Variants in SYN3 observed in about 807,000 individuals in gnomAD.
SYN3 encodes synapsin-3.
SYN3 carries 35 observed loss-of-function variants against 65.8 expected under a neutral mutation model. The observed-to-expected ratio is 0.53, with a 90% CI of 0.41 to 0.70. The LOEUF is 0.70. Among genes scored for constraint, SYN3 ranks in the 30% least tolerant of loss-of-function variants. The pLI, the probability that SYN3 is intolerant of heterozygous loss-of-function variation, is 0.00. For missense variants in SYN3, 680 were observed against 749.0 expected, an observed-to-expected ratio of 0.91 and a Z score of 1.08; for synonymous variants, 270 against 292.9, an observed-to-expected ratio of 0.92 and a Z score of 0.80.
chr22:32,884,898 C>A (rs1230937222), intron 4 of SYN3, among the ~76,000 whole-genome samples: 4 of 152,042 alleles, frequency 2.6e-5, no homozygotes, highest in African/African-American at 9.7e-5. Flanking sequence ...AAAAGAAAAT[C>A]ATTTCATATC....
chr22:32,620,539 G>A (rs915299150), intron 6 of SYN3, among the ~76,000 whole-genome samples: 1 of 152,056 alleles, frequency 6.6e-6, no homozygotes, highest in Non-Finnish European at 1.5e-5. Context: ...TGGGGACTGG[G>A]GCAAAATAAG....
intron 9 of SYN3, 84 bp downstream of exon 9, chr22:32,537,952 C>T (rs1569016963): frequency 8.1e-7 from 1 of 1,232,122 alleles, no homozygotes; most frequent in Non-Finnish European, 1.2e-6. Context: ...GCGGAGTGGC[C>T]TTCTCTTCAG....
intron 6 of SYN3, among the ~76,000 whole-genome samples, chr22:32,791,744 G>A (rs919556481): frequency 6.6e-6 from 1 of 151,786 alleles, no homozygotes; most frequent in African/African-American, 2.4e-5. Flanking sequence ...ATGTGAAAAG[G>A]GATGGCAACG....
chr22:32,935,938 A>C (rs1025879041), intron 3 of SYN3, among the ~76,000 whole-genome samples: 24 of 152,324 alleles, frequency 1.6e-4, no homozygotes, highest in Admixed American at 1.4e-3. Flanking sequence ...TCTATCTTTA[A>C]ATGTTTTTGT....
chr22:32,996,055 T>C (rs768644821), intron 2 of SYN3, among the ~76,000 whole-genome samples: 6 of 152,170 alleles, frequency 3.9e-5, no homozygotes, highest in Non-Finnish European at 8.8e-5. Flanking sequence ...GTACTCTCCC[T>C]GAATTCCAGG....
At chr22:33,055,835 C>T (rs1005009074) in intron 1 of SYN3, among the ~76,000 whole-genome samples, 2 of 152,172 alleles carry the variant, frequency 1.3e-5, no homozygotes, top group African/African-American at 4.8e-5. Context: ...TGTCTATCTC[C>T]TCTAATAGAC....
chr22:32,559,938 A>G (rs1320688055), intron 7 of SYN3, among the ~76,000 whole-genome samples: 1 of 152,206 alleles, frequency 6.6e-6, no homozygotes, highest in East Asian at 1.9e-4. Flanking sequence ...GTGCACTAAG[A>G]GGCAAAATGG....
At chr22:32,680,643 C>T (rs1157009084) in intron 6 of SYN3, among the ~76,000 whole-genome samples, 1 of 152,216 alleles carries the variant, frequency 6.6e-6, no homozygotes, top group Non-Finnish European at 1.5e-5. Context: ...GTGTACTCAA[C>T]TTGCTAGTAG....
At chr22:32,873,972 CA>C (rs907231072) in intron 4 of SYN3, among the ~76,000 whole-genome samples, 136 of 139,222 alleles carry the variant, frequency 9.8e-4, no homozygotes, top group Admixed American at 1.1e-3. Context: ...ACAAAAAATA[CA>C]AAAAAAAAAA....
intron 6 of SYN3, among the ~76,000 whole-genome samples, chr22:32,711,957 ACCTG>A (rs1169241522): frequency 6.6e-6 from 1 of 152,124 alleles, no homozygotes; most frequent in African/African-American, 2.4e-5. Flanking sequence ...CAGTTTGACA[ACCTG>A]CCTCAGCTTT....
At chr22:32,906,897 C>T (rs1451371595) in intron 4 of SYN3, among the ~76,000 whole-genome samples, 2 of 152,120 alleles carry the variant, frequency 1.3e-5, no homozygotes, top group Non-Finnish European at 2.9e-5. Flanking sequence ...TTTCTTTATC[C>T]AGTCTATCAT....
intron 4 of SYN3, among the ~76,000 whole-genome samples, chr22:32,891,203 T>C (rs545305257): frequency 2.6e-5 from 4 of 152,290 alleles, no homozygotes; most frequent in Middle Eastern, 3.4e-3. Context: ...GGCTCTTGAA[T>C]TGACACGTTG....
chr22:33,055,870 A>G (rs2054246080), intron 1 of SYN3, among the ~76,000 whole-genome samples: 1 of 152,204 alleles, frequency 6.6e-6, no homozygotes, highest in Non-Finnish European at 1.5e-5. Flanking sequence ...ATCACCTAGG[A>G]TAGCGCCTAC....
intron 6 of SYN3, among the ~76,000 whole-genome samples, chr22:32,656,402 C>T (rs1392342696): frequency 1.3e-5 from 2 of 152,182 alleles, no homozygotes; most frequent in East Asian, 1.9e-4. Context: ...GTGCTTGGTT[C>T]GTGGTAAATC....
chr22:32,911,257 C>T, intron 4 of SYN3, among the ~76,000 whole-genome samples: 1 of 152,188 alleles, frequency 6.6e-6, no homozygotes, highest in East Asian at 1.9e-4. Flanking sequence ...TTCCTGCAAG[C>T]CACGTTCTCC....
intron 6 of SYN3, among the ~76,000 whole-genome samples, chr22:32,682,142 G>A (rs2060532413): frequency 7.9e-6 from 1 of 126,644 alleles, no homozygotes; most frequent in African/African-American, 2.7e-5. Flanking sequence ...GGGGATATGG[G>A]CAATGTCTGG....
intron 6 of SYN3, among the ~76,000 whole-genome samples, chr22:32,820,638 G>C (rs2047220154): frequency 2.0e-5 from 3 of 152,154 alleles, no homozygotes; most frequent in Admixed American, 2.0e-4. Flanking sequence ...GGTTGGGCAG[G>C]GGCCCGGAGA....
At chr22:32,990,837 G>A (rs1171749061) in intron 2 of SYN3, among the ~76,000 whole-genome samples, 1 of 151,824 alleles carries the variant, frequency 6.6e-6, no homozygotes, top group African/African-American at 2.4e-5. Flanking sequence ...CACTGGAGGT[G>A]GGGAGTTCGA....
chr22:32,517,545 C>CTT (rs151187441), intron 13 of SYN3, among the ~76,000 whole-genome samples: 1 of 151,166 alleles, frequency 6.6e-6, no homozygotes, highest in African/African-American at 2.4e-5. Flanking sequence ...AAAGCTAAGA[C>CTT]TTTTTTTTTA....
Sources: gnomAD v4.1 joint callset for allele counts (sites outside exome capture counted in the v4.1 genomes callset) on GRCh38, gnomAD v4.1.1 for gene constraint, MANE v1.5 for transcripts, NCBI Gene and HGNC (gene_info 2026-07-23, HGNC 2026-07-21) for gene names.